Variants in MYZAP observed in about 807,000 individuals in gnomAD.
The protein encoded by MYZAP is myocardial zonula adherens protein.
MYZAP carries 66 observed loss-of-function variants against 69.4 expected under a neutral mutation model. The observed-to-expected ratio is 0.95, with a 90% CI of 0.78 to 1.17. The LOEUF is 1.17. Ranked by LOEUF, MYZAP falls within the 50% of genes most tolerant of loss-of-function variation. MYZAP has a pLI of 0.00. For missense variants in MYZAP, 611 were observed against 556.2 expected, an observed-to-expected ratio of 1.10 and a Z score of -0.99; for synonymous variants, 256 against 205.9, an observed-to-expected ratio of 1.24 and a Z score of -2.09.
chr15:57,677,815 T>TAAAGCTTCAACTCTTTCATCTTTA (rs2039216519), intron 12 of MYZAP, among the ~76,000 whole-genome samples: 1 of 152,180 alleles, frequency 6.6e-6, no homozygotes. Context: ...TTCATCTCTC[T>TAAAGCTTCAACTCTTTCATCTTTA]AAAGCTTCAA....
At chr15:57,592,537 C>G (rs1453509928) in intron 1 of MYZAP, among the ~76,000 whole-genome samples, 2 of 152,154 alleles carry the variant, frequency 1.3e-5, no homozygotes, top group African/African-American at 4.8e-5. Flanking sequence ...AGGGTATCCA[C>G]TAGTGATAGG....
chr15:57,664,551 G>C (rs1188874476), intron 11 of MYZAP, among the ~76,000 whole-genome samples: 1 of 152,158 alleles, frequency 6.6e-6, no homozygotes, highest in Non-Finnish European at 1.5e-5. Flanking sequence ...ATTGCTCTAC[G>C]GCACGGATGC....
At chr15:57,654,751 T>C (rs1489402176) in intron 10 of MYZAP, among the ~76,000 whole-genome samples, 3 of 152,182 alleles carry the variant, frequency 2.0e-5, no homozygotes, top group African/African-American at 4.8e-5. Context: ...TTCCAGGAAG[T>C]TGAGAAGCCT....
chr15:57,641,512 C>G (rs1179453536), intron 10 of MYZAP, among the ~76,000 whole-genome samples: 3 of 152,166 alleles, frequency 2.0e-5, no homozygotes, highest in African/African-American at 7.2e-5. Context: ...AGATAAGCTT[C>G]TCTAAGCTTT....
At chr15:57,631,052 C>A (rs2036472766) in intron 6 of MYZAP, among the ~76,000 whole-genome samples, 1 of 152,206 alleles carries the variant, frequency 6.6e-6, no homozygotes, top group Admixed American at 6.5e-5. Context: ...AGATCATCTC[C>A]TCTGTATGTT....
intron 6 of MYZAP, among the ~76,000 whole-genome samples, chr15:57,631,907 C>G (rs1227913643): frequency 6.6e-6 from 1 of 152,130 alleles, no homozygotes; most frequent in Non-Finnish European, 1.5e-5. Flanking sequence ...ACAGGAGGCA[C>G]CAGCCACCAC....
chr15:57,618,576 T>C (rs2035618689), intron 3 of MYZAP, among the ~76,000 whole-genome samples: 1 of 152,144 alleles, frequency 6.6e-6, no homozygotes, highest in South Asian at 2.1e-4. Flanking sequence ...TTGAAACAAA[T>C]GCTAGGAAGT....
chr15:57,609,946 G>GAC (rs140933741), intron 2 of MYZAP, among the ~76,000 whole-genome samples: 99 of 151,854 alleles, frequency 6.5e-4, no homozygotes, highest in African/African-American at 1.5e-3. Flanking sequence ...TATATGCAGG[G>GAC]ACACACACAC....
intron 6 of MYZAP, 83 bp from the exon 7 acceptor site, chr15:57,632,351 T>C: frequency 6.3e-7 from 1 of 1,587,298 alleles, no homozygotes; most frequent in Non-Finnish European, 8.6e-7. Context: ...CCTCTGTGAG[T>C]CCCCACATGA....
At chr15:57,670,755 C>T (rs1289996385) in intron 11 of MYZAP, among the ~76,000 whole-genome samples, 1 of 151,762 alleles carries the variant, frequency 6.6e-6, no homozygotes, top group African/African-American at 2.4e-5. Flanking sequence ...GGCATTTTTG[C>T]TGTGTCTCTT....
intron 11 of MYZAP, among the ~76,000 whole-genome samples, chr15:57,672,082 C>T (rs964260526): frequency 2.6e-5 from 4 of 152,170 alleles, no homozygotes; most frequent in Non-Finnish European, 4.4e-5. Context: ...TAGCTGCAAA[C>T]TTCTTTCAGT....
At chr15:57,608,803 G>T (rs1595860838) in intron 2 of MYZAP, among the ~76,000 whole-genome samples, 1 of 152,292 alleles carries the variant, frequency 6.6e-6, no homozygotes, top group East Asian at 1.9e-4. Flanking sequence ...GCCTGAAGCT[G>T]CCTGTCTTTA....
chr15:57,593,190 A>ATGCGCGCGCGTGCGCGCGCGCG (rs376306761), intron 1 of MYZAP, among the ~76,000 whole-genome samples: 4 of 108,256 alleles, frequency 3.7e-5, no homozygotes, highest in Non-Finnish European at 5.8e-5. Flanking sequence ...ACACAGGCGC[A>ATGCGCGCGCGTGCGCGCGCGCG]CACACACACA....
chr15:57,653,645 C>T (rs2037837319), intron 10 of MYZAP, among the ~76,000 whole-genome samples: 2 of 151,950 alleles, frequency 1.3e-5, no homozygotes, highest in African/African-American at 4.8e-5. Flanking sequence ...GAGGGCTTCA[C>T]CTAGGGGGCT....
At chr15:57,666,976 A>C (rs1038875808) in intron 11 of MYZAP, among the ~76,000 whole-genome samples, 6 of 152,180 alleles carry the variant, frequency 3.9e-5, no homozygotes, top group African/African-American at 1.4e-4. Context: ...ATAACATTGC[A>C]AGCATTTATC....
At chr15:57,641,648 C>G (rs1258047478) in intron 10 of MYZAP, among the ~76,000 whole-genome samples, 1 of 152,154 alleles carries the variant, frequency 6.6e-6, no homozygotes, top group Admixed American at 6.5e-5. Context: ...AGACCACCAC[C>G]ACCACCAGCA....
At chr15:57,646,753 G>C in intron 10 of MYZAP, 9 of 985,604 alleles carry the variant, frequency 9.1e-6, no homozygotes, top group Non-Finnish European at 1.1e-5. Flanking sequence ...ACTCATCTTA[G>C]GACTCTTCTA....
intron 1 of MYZAP, among the ~76,000 whole-genome samples, chr15:57,593,198 A>G: frequency 1.4e-5 from 1 of 72,098 alleles, no homozygotes; most frequent in Non-Finnish European, 2.7e-5. Context: ...GCACACACAC[A>G]CACACACACA....
At chr15:57,653,831 C>A (rs2037847735) in intron 10 of MYZAP, among the ~76,000 whole-genome samples, 1 of 151,296 alleles carries the variant, frequency 6.6e-6, no homozygotes, top group African/African-American at 2.4e-5. Context: ...ATAGCGAGAC[C>A]CTGTCTCTAC....
Sources: allele counts gnomAD v4.1 joint callset (sites outside exome capture counted in the v4.1 genomes callset), GRCh38; gene constraint gnomAD v4.1.1; transcripts MANE v1.5; gene names NCBI Gene and HGNC (gene_info 2026-07-23, HGNC 2026-07-21).